ABHD5: variants seen among roughly 807,000 people sequenced by gnomAD.
The protein encoded by ABHD5 is abhydrolase domain containing 5, lysophosphatidic acid acyltransferase, also known as 1-acylglycerol-3-phosphate O-acyltransferase ABHD5.
In ABHD5, 30 loss-of-function variants were observed where a neutral mutation model predicts 44.9. That is an observed-to-expected ratio of 0.67 (90% CI 0.50 to 0.91). The LOEUF is 0.91. Among genes scored for constraint, ABHD5 ranks in the 40% least tolerant of loss-of-function variants. The pLI is 0.00. For synonymous variants in ABHD5, 167 were observed against 147.0 expected (o/e 1.14, Z -0.99); for missense variants, 399 against 423.4 (o/e 0.94, Z 0.50).
chr3:43,717,974 C>A, intron 6 of ABHD5, 117 bp downstream of exon 6: 2 of 1,360,624 alleles, frequency 1.5e-6, no homozygotes, highest in Non-Finnish European at 2.1e-6. Context: ...ATACCTGCAG[C>A]CTCAGTCGGG....
At chr3:43,698,243 C>T (rs990616607) in intron 1 of ABHD5, among the ~76,000 whole-genome samples, 1 of 152,166 alleles carries the variant, frequency 6.6e-6, no homozygotes, top group Admixed American at 6.5e-5. Context: ...GTTATCAAAT[C>T]CAACCTGTTT....
intron 7 of ABHD5, among the ~76,000 whole-genome samples, chr3:43,730,499 CTTTTTTTTTTTTTT>C (rs68058215): frequency 1.4e-5 from 1 of 68,970 alleles, no homozygotes; most frequent in African/African-American, 5.7e-5. Flanking sequence ...AAAATAATCC[CTTTTTTTTTTTTTT>C]TTTTTTTTTT....
chr3:43,706,065 G>A (rs2084614731), intron 3 of ABHD5, among the ~76,000 whole-genome samples: 1 of 152,076 alleles, frequency 6.6e-6, no homozygotes, highest in Non-Finnish European at 1.5e-5. Context: ...TTTAGTGTTT[G>A]GTGTGTCTTG....
intron 3 of ABHD5, among the ~76,000 whole-genome samples, chr3:43,707,988 G>T (rs1168608230): frequency 3.3e-5 from 5 of 152,122 alleles, no homozygotes; most frequent in African/African-American, 1.2e-4. Flanking sequence ...TCTCATGAAG[G>T]TCAGGCTTAT....
At chr3:43,715,083 CTCTG>C in intron 5 of ABHD5, 25 bp downstream of exon 5, 1 of 1,230,256 alleles carries the variant, frequency 8.1e-7, no homozygotes, top group Non-Finnish European at 1.1e-6. Context: ...TCTCAATTCA[CTCTG>C]TGTGTGTGTG....
chr3:43,704,483 T>C (rs2109405), intron 3 of ABHD5, among the ~76,000 whole-genome samples: 7,681 of 152,184 alleles, frequency 0.05, 289 homozygotes, highest in South Asian at 0.12. Context: ...TTTTATCAGG[T>C]ATGTATTATG....
At chr3:43,709,460 C>G (rs185550283) in intron 3 of ABHD5, among the ~76,000 whole-genome samples, 3 of 152,202 alleles carry the variant, frequency 2.0e-5, no homozygotes, top group African/African-American at 7.2e-5. Context: ...AGACTTCTGT[C>G]AAGTTTTCCT....
At chr3:43,717,042 G>T (rs1026716325) in intron 5 of ABHD5, among the ~76,000 whole-genome samples, 1 of 152,140 alleles carries the variant, frequency 6.6e-6, no homozygotes, top group East Asian at 1.9e-4. Flanking sequence ...ATGGTGGTGC[G>T]TGCCTGTAAT....
At position 43,701,439 on chromosome 3, in the gene ABHD5, C is replaced by A. The variant is rs374830846; in HGVS notation, c.134-776C>A. On this transcript the variant is annotated intron_variant, in intron 2 of 6. Coordinates refer to ENST00000644371, the MANE Select transcript of ABHD5 (RefSeq NM_016006.6). ...ATGCATAAATAATTAAGGGGTATAT[C>A]AAAAATGCAGCTGTTCAGTTGATAG... Among the ~76,000 whole-genome samples the A allele has an allele frequency of 5.9e-5, 9 of 152,250 alleles. 1 individual carries two copies. In the Middle Eastern group the frequency reaches 0.014, roughly 230 times the overall value.
chr3:43,723,334 G>A, downstream of ABHD5, among the ~76,000 whole-genome samples: 1 of 152,174 alleles, frequency 6.6e-6, no homozygotes, highest in Admixed American at 6.5e-5. Flanking sequence ...AGTTCTTCAT[G>A]TAAGAATCAT....
rs1363877880 is a variant in ABHD5 at position 43,702,659 on chromosome 3, G to A, written c.506+72G>A. The A allele has an allele frequency of 1.9e-6, 3 of 1,609,850 alleles. 1 individual carries two copies. The highest frequency in any genetic ancestry group is 3.3e-5 in the Admixed American group (2 of 60,008). The stretch of plus-strand genomic sequence containing the variant: ...TACCAGACTCTAGTTCCCATCTTTG[G>A]TGGTTGTTAGTGTCTGAGCCACAAG... On this transcript the variant is annotated intron_variant, in intron 3 of 6. Transcript: ENST00000644371.
downstream of ABHD5, among the ~76,000 whole-genome samples, chr3:43,727,371 G>A (rs2084884939): frequency 6.6e-6 from 1 of 152,174 alleles, no homozygotes; most frequent in Admixed American, 6.5e-5. Context: ...TGTACTGGAA[G>A]CAGAACTCCT....
At chr3:43,693,642 T>G (rs2084431005) in intron 1 of ABHD5, among the ~76,000 whole-genome samples, 1 of 152,150 alleles carries the variant, frequency 6.6e-6, no homozygotes, top group African/African-American at 2.4e-5. Context: ...GTTACTGTAA[T>G]GATAGCTACT....
chr3:43,706,229 A>T (rs1359167268), intron 3 of ABHD5, among the ~76,000 whole-genome samples: 5 of 152,182 alleles, frequency 3.3e-5, no homozygotes, highest in Admixed American at 3.3e-4. Flanking sequence ...ACAAACAGGT[A>T]CTGAACTACA....
chr3:43,732,821 G>A (rs1315141119), intron 7 of ABHD5, among the ~76,000 whole-genome samples: 2 of 152,098 alleles, frequency 1.3e-5, no homozygotes, highest in African/African-American at 4.8e-5. Flanking sequence ...TCTCAAGGCT[G>A]GAGTCAAGGT....
In ABHD5 at chr3:43,702,621, C is replaced by T. The variant is rs2084558877; in HGVS notation, c.506+34C>T. 8 of 1,613,992 alleles carry T rather than the reference C, an allele frequency of 5.0e-6. No homozygotes were observed. The East Asian group carries it at 8.9e-5, about 18-fold the overall frequency. On this transcript the variant is annotated intron_variant, in intron 3 of 6. Coordinates refer to ENST00000644371, the MANE Select transcript of ABHD5 (RefSeq NM_016006.6). ...TGGTGACAGAAGAGAGGGATTATAA[C>T]TGTGCTTCCAAGTACCAGACTCTAG...
downstream of ABHD5, among the ~76,000 whole-genome samples, chr3:43,724,060 T>C (rs62253041): frequency 2.5e-3 from 385 of 152,320 alleles, 1 homozygote; most frequent in Non-Finnish European, 4.2e-3. Context: ...CAGAGTGTTA[T>C]GTTGAAGCTG....
At chr3:43,726,791 A>G (rs1191896352), downstream of ABHD5, among the ~76,000 whole-genome samples, 2 of 152,112 alleles carry the variant, frequency 1.3e-5, no homozygotes, top group Non-Finnish European at 2.9e-5. Flanking sequence ...TTGAGGCATT[A>G]CCCCCAAGAG....
chr3:43,713,577 C>T (rs528724642), intron 4 of ABHD5, among the ~76,000 whole-genome samples: 234 of 152,064 alleles, frequency 1.5e-3, no homozygotes, highest in Non-Finnish European at 2.9e-3. Flanking sequence ...CACTTTATTG[C>T]TTCAGTGCTC....
Sources: allele counts gnomAD v4.1 joint callset (sites outside exome capture counted in the v4.1 genomes callset), GRCh38; gene constraint gnomAD v4.1.1; transcripts MANE v1.5; gene names NCBI Gene and HGNC (gene_info 2026-07-23, HGNC 2026-07-21).